JCAD: variants seen among roughly 807,000 people sequenced by gnomAD.
JCAD encodes junctional cadherin 5-associated protein.
In JCAD, 40 loss-of-function variants were observed where a neutral mutation model predicts 98.0. That is an observed-to-expected ratio of 0.41 (90% CI 0.32 to 0.53). The LOEUF is 0.53. Ranked by LOEUF, JCAD falls within the 20% of genes least tolerant of loss-of-function variation. The probability of loss-of-function intolerance (pLI) is 0.31; values close to 1 mark genes in which losing one functional copy is unlikely to be tolerated. For synonymous variants in JCAD, 691 were observed against 682.3 expected, an observed-to-expected ratio of 1.01 and a Z score of -0.20; for missense variants, 1,705 against 1,738.1, an observed-to-expected ratio of 0.98 and a Z score of 0.34.
chr10:30,029,314 A>T lies in JCAD; in HGVS notation c.834T>A (p.Ser278Arg). Residue 278 changes from serine (S) to arginine (R), a missense_variant, in exon 3 of 4, where the codon AGT (serine) becomes AGA (arginine). This residue lies in a region of JCAD where 275 missense variants were observed against 346.9 expected (regional missense o/e 0.79). Coordinates refer to ENST00000375377, the MANE Select transcript of JCAD (RefSeq NM_020848.4). ...NLDSTRNSEK[S>R]GCSAPFPRPK... ...GCCGGGGAAATGGGGCTGAGCAGCC[A>T]CTCTTCTCAGAATTCCTCGTGGAGT... 1.2e-6 allele frequency: 2 copies of T among 1,613,824 alleles called. No homozygotes were observed. Among genetic ancestry groups the T allele is most frequent in the Non-Finnish European group, 1.7e-6 (2 of 1,179,978 alleles).
intron 2 of JCAD, among the ~76,000 whole-genome samples, chr10:30,064,960 G>A (rs767004274): frequency 7.9e-5 from 12 of 152,166 alleles, no homozygotes; most frequent in Non-Finnish European, 1.3e-4. Flanking sequence ...GTGAGCCACC[G>A]TGCCCGGCCA....
At chr10:30,096,930 A>G (rs1234826018) in intron 1 of JCAD, among the ~76,000 whole-genome samples, 4 of 152,232 alleles carry the variant, frequency 2.6e-5, no homozygotes, top group Non-Finnish European at 5.9e-5. Flanking sequence ...TAATTATAAC[A>G]ATTCTGAAAG....
At chr10:30,108,500 A>G (rs1430434358) in intron 1 of JCAD, among the ~76,000 whole-genome samples, 2 of 152,198 alleles carry the variant, frequency 1.3e-5, no homozygotes, top group Admixed American at 6.5e-5. Flanking sequence ...GAAAGATTGC[A>G]GGAACAGAAC....
chr10:30,113,957 G>C (rs1381557755), intron 1 of JCAD, among the ~76,000 whole-genome samples: 1 of 152,086 alleles, frequency 6.6e-6, no homozygotes, highest in African/African-American at 2.4e-5. Flanking sequence ...TGATTCTCCA[G>C]CCTCAGCCTC....
intron 1 of JCAD, among the ~76,000 whole-genome samples, chr10:30,054,402 C>G (rs1264212677): frequency 6.6e-6 from 1 of 151,856 alleles, no homozygotes; most frequent in African/African-American, 2.4e-5. Context: ...TTTTGCAGGT[C>G]AAAAATAGTC....
intron 2 of JCAD, among the ~76,000 whole-genome samples, chr10:30,044,992 C>A (rs1837307759): frequency 6.6e-6 from 1 of 152,128 alleles, no homozygotes; most frequent in South Asian, 2.1e-4. Flanking sequence ...GTGAATCGGC[C>A]AATCTCAACA....
Position 30,099,353 on chromosome 10 carries a change from T to A in JCAD, n.128+16014A>T, listed in dbSNP as rs143092629. Among the ~76,000 whole-genome samples the A allele has an allele frequency of 3.2e-4, 48 of 152,266 alleles. 1 individual carries two copies. In the East Asian group the frequency reaches 6.7e-3, roughly 21 times the overall value. On this transcript the variant is annotated intron_variant and non_coding_transcript_variant, in intron 1 of 2. Transcript: ENST00000465712. ...ATTAGTCCTAATTACCCTCCCTAAA[T>A]CCAATCAAGTCATTATGCCTCAGAC...
At chr10:30,113,818 A>T (rs1246856982) in intron 1 of JCAD, among the ~76,000 whole-genome samples, 2 of 152,060 alleles carry the variant, frequency 1.3e-5, no homozygotes, top group Non-Finnish European at 2.9e-5. Context: ...CCATTTGAAT[A>T]CTTGAACACC....
At chr10:30,113,935 C>T (rs192562834) in intron 1 of JCAD, among the ~76,000 whole-genome samples, 2 of 152,246 alleles carry the variant, frequency 1.3e-5, no homozygotes, top group Non-Finnish European at 2.9e-5. Context: ...GTCTTGATCT[C>T]CTATCCTCAA....
chr10:30,035,979 A>G (rs1837101517), intron 2 of JCAD, among the ~76,000 whole-genome samples: 1 of 152,220 alleles, frequency 6.6e-6, no homozygotes. Flanking sequence ...CATCTGAAAT[A>G]TGAGCATGTG....
intron 1 of JCAD, among the ~76,000 whole-genome samples, chr10:30,104,709 C>A (rs1326785487): frequency 6.6e-6 from 1 of 152,048 alleles, no homozygotes; most frequent in Admixed American, 6.6e-5. Context: ...GCATATGTAG[C>A]CCCTGAATCT....
intron 3 of JCAD, among the ~76,000 whole-genome samples, chr10:30,022,271 G>A (rs1478633238): frequency 6.6e-6 from 1 of 152,004 alleles, no homozygotes; most frequent in Non-Finnish European, 1.5e-5. Context: ...GTGGGGTGGT[G>A]CGGATAGACA....
chr10:30,075,452 G>A (rs534313437), intron 1 of JCAD, among the ~76,000 whole-genome samples: 15 of 152,146 alleles, frequency 9.9e-5, no homozygotes, highest in Non-Finnish European at 1.8e-4. Context: ...TGGCCCAATT[G>A]ATTTAATATT....
At chr10:30,051,050 G>A (rs1208741075) in intron 1 of JCAD, among the ~76,000 whole-genome samples, 1 of 152,112 alleles carries the variant, frequency 6.6e-6, no homozygotes, top group Admixed American at 6.6e-5. Context: ...CAAAGTTCAG[G>A]CTACTAATTT....
chr10:30,021,710 C>T (rs1836663126), intron 3 of JCAD, among the ~76,000 whole-genome samples: 1 of 152,132 alleles, frequency 6.6e-6, no homozygotes, highest in African/African-American at 2.4e-5. Flanking sequence ...TTGCATGAGC[C>T]ATATTTCAAG....
intron 3 of JCAD, among the ~76,000 whole-genome samples, chr10:30,020,152 C>A (rs1836630193): frequency 6.6e-6 from 1 of 151,636 alleles, no homozygotes; most frequent in Middle Eastern, 3.2e-3. Flanking sequence ...CATGGCGAAA[C>A]CCCATCTCTA....
chr10:30,024,291 A>G (rs969418703), intron 3 of JCAD, among the ~76,000 whole-genome samples: 3 of 152,230 alleles, frequency 2.0e-5, no homozygotes, highest in Non-Finnish European at 4.4e-5. Context: ...TACAATTTTC[A>G]GGAAGATGTA....
intron 1 of JCAD, among the ~76,000 whole-genome samples, chr10:30,074,074 A>G (rs1837940267): frequency 6.6e-6 from 1 of 152,176 alleles, no homozygotes; most frequent in African/African-American, 2.4e-5. Context: ...TTTACAGTGT[A>G]GAAGAGTAGT....
intron 2 of JCAD, among the ~76,000 whole-genome samples, chr10:30,035,860 C>T (rs1028123433): frequency 1.8e-4 from 27 of 152,216 alleles, no homozygotes; most frequent in African/African-American, 6.3e-4. Context: ...ACAGAATTCC[C>T]GGGTGAACGG....
Sources: gnomAD v4.1 joint callset for allele counts (sites outside exome capture counted in the v4.1 genomes callset) on GRCh38, gnomAD v4.1.1 for gene constraint, gnomAD v4.1.1 regional missense constraint, MANE v1.5 for transcripts, NCBI Gene and HGNC (gene_info 2026-07-23, HGNC 2026-07-21) for gene names.